HTR1F: variants seen among roughly 807,000 people sequenced by gnomAD.
HTR1F encodes the protein 5-hydroxytryptamine receptor 1F.
A neutral mutation model predicts 24.0 loss-of-function variants in HTR1F; 17 were observed. That is an observed-to-expected ratio of 0.71 (90% confidence interval 0.48 to 1.06). The LOEUF (loss-of-function observed/expected upper bound fraction) is 1.06, where lower values mean the gene tolerates loss of function less well. HTR1F is among the 50% of genes least tolerant of loss of function. The pLI is 0.00. For synonymous variants in HTR1F, 186 were observed against 156.8 expected (o/e 1.19, Z -1.39); for missense variants, 391 against 427.8 (o/e 0.91, Z 0.76).
In HTR1F at chr3:87,890,610, T is replaced by A. The variant is rs149641503; in HGVS notation, c.-43+68486T>A. On this transcript the variant is annotated intron_variant, in intron 2 of 2. Transcript: ENST00000319595. ...TATTAGATGGGAAAAATATTAACTG[T>A]ACGGTGGATAAACTTGTAAAACCAC... 2.4e-4 allele frequency among the ~76,000 whole-genome samples: 37 copies of A among 151,374 alleles called. No individual in the cohort carries two copies. The East Asian group carries it at 6.4e-3, about 26-fold the overall frequency.
chr3:87,944,580 C>A (rs1259002062), intron 2 of HTR1F, among the ~76,000 whole-genome samples: 1 of 152,222 alleles, frequency 6.6e-6, no homozygotes, highest in Non-Finnish European at 1.5e-5. Flanking sequence ...TTTAAATCCC[C>A]TGTTAGGAAA....
intron 2 of HTR1F, among the ~76,000 whole-genome samples, chr3:87,889,679 T>C (rs548669095): frequency 9.7e-4 from 147 of 152,310 alleles, no homozygotes; most frequent in African/African-American, 3.4e-3. Context: ...TTTGATTTTT[T>C]TTTGTTTCCT....
intron 2 of HTR1F, among the ~76,000 whole-genome samples, chr3:87,961,933 G>A (rs1705071529): frequency 6.6e-6 from 1 of 151,902 alleles, no homozygotes; most frequent in African/African-American, 2.4e-5. Context: ...ATTTTTGTCA[G>A]TATAAGCATG....
At chr3:87,913,926 C>A (rs1280434632) in intron 2 of HTR1F, among the ~76,000 whole-genome samples, 1 of 152,090 alleles carries the variant, frequency 6.6e-6, no homozygotes, top group East Asian at 1.9e-4. Context: ...TGGAGGCTCG[C>A]ATCATGAATT....
At chr3:87,987,947 A>G (rs935460764) in intron 2 of HTR1F, among the ~76,000 whole-genome samples, 2 of 151,224 alleles carry the variant, frequency 1.3e-5, no homozygotes, top group African/African-American at 4.9e-5. Flanking sequence ...ATTGTATAGC[A>G]TGAAATTCAG....
chr3:87,946,948 A>T (rs1324726156), intron 2 of HTR1F, among the ~76,000 whole-genome samples: 1 of 152,152 alleles, frequency 6.6e-6, no homozygotes. Flanking sequence ...AAATCAGAGA[A>T]AGGAATGAGG....
intron 2 of HTR1F, among the ~76,000 whole-genome samples, chr3:87,875,847 C>A (rs1023947476): frequency 1.3e-5 from 2 of 151,086 alleles, no homozygotes; most frequent in Non-Finnish European, 2.9e-5. Context: ...TGGCTTGAAC[C>A]CAGGAGGTGG....
intron 2 of HTR1F, among the ~76,000 whole-genome samples, chr3:87,922,944 T>C (rs1431934167): frequency 6.6e-6 from 1 of 151,364 alleles, no homozygotes; most frequent in Non-Finnish European, 1.5e-5. Context: ...AGTTAATTTT[T>C]ATATATAGGG....
intron 2 of HTR1F, among the ~76,000 whole-genome samples, chr3:87,878,938 G>A (rs897437666): frequency 5.3e-5 from 8 of 152,010 alleles, no homozygotes; most frequent in African/African-American, 1.9e-4. Flanking sequence ...TCATCTTTCA[G>A]CAGAAATTAT....
intron 2 of HTR1F, among the ~76,000 whole-genome samples, chr3:87,884,845 A>C (rs935094193): frequency 3.3e-5 from 5 of 152,184 alleles, no homozygotes; most frequent in African/African-American, 1.2e-4. Flanking sequence ...CAGGTTCATA[A>C]AGAAGTCCTT....
chr3:87,932,024 G>C (rs1486503465), intron 2 of HTR1F, among the ~76,000 whole-genome samples: 2 of 152,030 alleles, frequency 1.3e-5, no homozygotes, highest in East Asian at 1.9e-4. Flanking sequence ...AGTTTCTTTT[G>C]CTGTGCAGAA....
At chr3:87,809,647 C>G (rs1704128564) in intron 1 of HTR1F, among the ~76,000 whole-genome samples, 1 of 151,944 alleles carries the variant, frequency 6.6e-6, no homozygotes, top group African/African-American at 2.4e-5. Context: ...GTTATTGTAT[C>G]TGATTGCTAG....
intron 2 of HTR1F, among the ~76,000 whole-genome samples, chr3:87,985,457 C>A (rs1294691695): frequency 9.2e-5 from 14 of 152,126 alleles, no homozygotes; most frequent in African/African-American, 2.9e-4. Context: ...ATTTGTTCTA[C>A]CAATTATTTG....
chr3:87,856,232 AT>A (rs1165314813), intron 2 of HTR1F, among the ~76,000 whole-genome samples: 1 of 151,992 alleles, frequency 6.6e-6, no homozygotes, highest in Non-Finnish European at 1.5e-5. Flanking sequence ...AAAAAACAGT[AT>A]TTTTAGGGTT....
chr3:87,945,070 CTCT>C (rs989810550), intron 2 of HTR1F, among the ~76,000 whole-genome samples: 10 of 151,930 alleles, frequency 6.6e-5, no homozygotes, highest in African/African-American at 2.4e-4. Flanking sequence ...TCTCTCTCTT[CTCT>C]GTCTCTCTCT....
intron 2 of HTR1F, among the ~76,000 whole-genome samples, chr3:87,858,753 A>T (rs1365610235): frequency 1.3e-5 from 2 of 152,152 alleles, no homozygotes; most frequent in African/African-American, 4.8e-5. Flanking sequence ...CTTTACTAAG[A>T]ATGATAAAGA....
At chr3:87,981,707 T>G (rs562391639) in intron 2 of HTR1F, among the ~76,000 whole-genome samples, 1 of 152,336 alleles carries the variant, frequency 6.6e-6, no homozygotes, top group South Asian at 2.1e-4. Flanking sequence ...CTACTGAGTC[T>G]GTACATGTGT....
rs1705334685 is a variant in HTR1F, at chr3:87,862,285, CTCAAGCAATT to C, written c.-43+40163_-43+40172del. Among the ~76,000 whole-genome samples the C allele has an allele frequency of 6.6e-5, 10 of 152,322 alleles. No homozygotes were observed. The South Asian group carries it at 1.9e-3, about 28-fold the overall frequency. ...AATTCTTGGTTGATAAGTTACCAAT[CTCAAGCAATT>C]TTGAAATCCAACCAAGTAAACTTCA... On this transcript the variant is annotated intron_variant, in intron 2 of 2. Transcript: ENST00000319595.
intron 1 of HTR1F, among the ~76,000 whole-genome samples, chr3:87,802,439 G>T (rs967422436): frequency 6.6e-6 from 1 of 151,352 alleles, no homozygotes; most frequent in Admixed American, 6.6e-5. Context: ...GAAATTTGGG[G>T]GCCAAGTGAT....
Sources: gnomAD v4.1 joint callset for allele counts (sites outside exome capture counted in the v4.1 genomes callset) on GRCh38, gnomAD v4.1.1 for gene constraint, MANE v1.5 for transcripts, NCBI Gene and HGNC (gene_info 2026-07-23, HGNC 2026-07-21) for gene names.